AFF4: variants seen among roughly 807,000 people sequenced by gnomAD.
AFF4 encodes the protein ALF transcription elongation factor 4, also known as AF4/FMR2 family member 4.
Under a neutral mutation model 124.8 loss-of-function variants are expected in AFF4, and 13 were observed. The observed-to-expected ratio is 0.10, with a 90% CI of 0.07 to 0.17. AFF4 has a LOEUF of 0.17. Ranked by LOEUF, AFF4 falls within the 10% of genes least tolerant of loss-of-function variation. AFF4 has a pLI of 1.00. For synonymous variants in AFF4, 477 were observed against 496.1 expected, an observed-to-expected ratio of 0.96 and a Z score of 0.51; for missense variants, 1,092 against 1,403.8, an observed-to-expected ratio of 0.78 and a Z score of 3.55.
intron 5 of AFF4, among the ~76,000 whole-genome samples, chr5:132,910,783 C>T (rs1760777154): frequency 6.6e-6 from 1 of 152,192 alleles, no homozygotes; most frequent in Non-Finnish European, 1.5e-5. Flanking sequence ...CTATTCTAAG[C>T]ATTGGCACAG....
intron 1 of AFF4, among the ~76,000 whole-genome samples, chr5:132,953,228 GTTTT>G (rs974751391): frequency 2.0e-5 from 3 of 151,154 alleles, no homozygotes; most frequent in Non-Finnish European, 4.4e-5. Flanking sequence ...AGAAATCTCT[GTTTT>G]TTTTAATTTC....
chr5:132,962,747 C>T (rs1178184858), intron 1 of AFF4, among the ~76,000 whole-genome samples: 1 of 151,854 alleles, frequency 6.6e-6, no homozygotes, highest in African/African-American at 2.4e-5. Flanking sequence ...TATTATACCC[C>T]CACGTTCCCA....
chr5:132,884,485 C>G (rs1287909851), intron 19 of AFF4, among the ~76,000 whole-genome samples: 2 of 152,120 alleles, frequency 1.3e-5, no homozygotes, highest in Non-Finnish European at 2.9e-5. Context: ...TGTGATCTGC[C>G]CACCTCGGCC....
chr5:132,949,280 C>G (rs890256714), intron 1 of AFF4, among the ~76,000 whole-genome samples: 8 of 140,844 alleles, frequency 5.7e-5, no homozygotes, highest in African/African-American at 2.2e-4. Context: ...TTCTTTGGCT[C>G]AAGCAATCCC....
chr5:132,895,560 C>T (rs963122557), intron 11 of AFF4, among the ~76,000 whole-genome samples: 3 of 152,160 alleles, frequency 2.0e-5, no homozygotes, highest in Admixed American at 1.3e-4. Flanking sequence ...AGACATGTAT[C>T]GGAAGAAATT....
At chr5:132,907,822 G>A (rs753749833) in intron 5 of AFF4, among the ~76,000 whole-genome samples, 9 of 152,168 alleles carry the variant, frequency 5.9e-5, no homozygotes, top group Non-Finnish European at 1.3e-4. Context: ...GGAACTTAAA[G>A]GCAGCCCACA....
chr5:132,950,765 G>A (rs1365591144), intron 1 of AFF4, among the ~76,000 whole-genome samples: 2 of 151,996 alleles, frequency 1.3e-5, no homozygotes, highest in Non-Finnish European at 2.9e-5. Flanking sequence ...AGTGACAAAG[G>A]AAAAAAACTC....
intron 7 of AFF4, among the ~76,000 whole-genome samples, chr5:132,901,417 T>C (rs543597472): frequency 3.3e-5 from 5 of 152,228 alleles, no homozygotes; most frequent in Non-Finnish European, 7.3e-5. Context: ...AGTTCTTATA[T>C]TCAGCTGAAG....
chr5:132,957,232 T>C (rs1029179427), intron 1 of AFF4, among the ~76,000 whole-genome samples: 2 of 150,638 alleles, frequency 1.3e-5, no homozygotes, highest in Non-Finnish European at 3.0e-5. Flanking sequence ...TCCTAGCTAC[T>C]TGGAAGGCTG....
chr5:132,914,694 A>G (rs760422441), intron 5 of AFF4, among the ~76,000 whole-genome samples: 1 of 152,114 alleles, frequency 6.6e-6, no homozygotes, highest in Non-Finnish European at 1.5e-5. Flanking sequence ...AAAACAACAG[A>G]GAAAGAAAAA....
Position 132,934,637 on chromosome 5 carries a change from C to T in AFF4, c.428G>A (p.Gly143Asp), listed in dbSNP as rs777920394. The change falls in exon 3 of 21, where the codon GGC (glycine) becomes GAC (aspartate). Residue 143 changes from glycine to aspartate, a missense_variant. By Grantham distance (94) the Gly-to-Asp change is moderately conservative (BLOSUM62 -1). Transcript: ENST00000265343. Reference sequence around the variant, plus strand: ...GTGCCTCTGACCACTACTGTTAGTGCCACTACTGCTACCTGCGCTGGTCCG... The same window carrying T: ...GTGCCTCTGACCACTACTGTTAGTGTCACTACTGCTACCTGCGCTGGTCCG... ...SQRTSAGSSS[G>D]TNSSGQRHDR... is the part of the protein sequence containing the mutation. The T allele has an allele frequency of 2.5e-6, 4 of 1,614,130 alleles. No homozygotes were observed. Among genetic ancestry groups the T allele is most frequent in the Non-Finnish European group, 3.4e-6 (4 of 1,180,024 alleles).
At chr5:132,881,404 C>T (rs1759974984) in intron 20 of AFF4, among the ~76,000 whole-genome samples, 1 of 152,092 alleles carries the variant, frequency 6.6e-6, no homozygotes, top group South Asian at 2.1e-4. Flanking sequence ...AATGTATGGT[C>T]AGAAATTAAG....
Position 132,887,861 on chromosome 5 carries a change from G to A in AFF4, c.2918C>T (p.Thr973Met), listed in dbSNP as rs769872229. The A allele has an allele frequency of 1.9e-6, 3 of 1,613,350 alleles. No individual in the cohort carries two copies. The highest frequency in any genetic ancestry group is 2.7e-5 in the African/African-American group (2 of 74,864). ...TTCCACTTACTTGATGAGATCCACC[G>A]TCTCTGAATACATAGGGAATGGGGA... is the stretch of plus-strand genomic sequence containing the variant. Reference protein sequence around the residue: ...SKSPFPMYSETVDLIKYTMKL... With the variant: ...SKSPFPMYSEMVDLIKYTMKL... The change falls in exon 16 of 21, where the codon ACG (threonine) becomes ATG (methionine). Residue 973 changes from threonine to methionine, a missense_variant. Physicochemically the swap from Thr to Met is moderately conservative, Grantham distance 81. Around this residue, in one of 11 missense-constraint regions of AFF4, gnomAD observed 173 missense variants for 294.9 expected, o/e 0.59. Transcript: ENST00000265343.
intron 4 of AFF4, among the ~76,000 whole-genome samples, chr5:132,930,784 G>C (rs1031264153): frequency 4.6e-5 from 7 of 151,964 alleles, no homozygotes; most frequent in African/African-American, 1.7e-4. Flanking sequence ...TTTTGGTCAT[G>C]TGTCAATTTT....
intron 5 of AFF4, among the ~76,000 whole-genome samples, chr5:132,919,733 C>A (rs1760997758): frequency 6.6e-6 from 1 of 152,118 alleles, no homozygotes; most frequent in South Asian, 2.1e-4. Context: ...ACTTGTAATT[C>A]CAGCTATTCG....
intron 13 of AFF4, among the ~76,000 whole-genome samples, chr5:132,891,186 A>G (rs935210864): frequency 6.6e-6 from 1 of 152,096 alleles, no homozygotes. Context: ...CAAGGTCCTA[A>G]GCACCTTGTG....
chr5:132,938,941 CAAAAAA>C (rs762784790), intron 1 of AFF4, among the ~76,000 whole-genome samples: 1,987 of 38,124 alleles, frequency 0.052, 17 homozygotes, highest in African/African-American at 0.19. Flanking sequence ...AGACTCATCT[CAAAAAA>C]AAAAAAAAAA....
chr5:132,908,699 AATGT>A (rs1335034086), intron 5 of AFF4, among the ~76,000 whole-genome samples: 3 of 149,684 alleles, frequency 2.0e-5, no homozygotes, highest in Admixed American at 6.7e-5. Context: ...TCCTAGCTTG[AATGT>A]ATGTATATGT....
At chr5:132,939,346 C>T (rs548405684) in intron 1 of AFF4, among the ~76,000 whole-genome samples, 4 of 152,090 alleles carry the variant, frequency 2.6e-5, no homozygotes, top group Middle Eastern at 3.4e-3. Context: ...TCTTTGGTTT[C>T]GCTAATACTT....
Sources: allele counts gnomAD v4.1 joint callset (sites outside exome capture counted in the v4.1 genomes callset), GRCh38; gene constraint gnomAD v4.1.1; regional missense constraint gnomAD v4.1.1; transcripts MANE v1.5; gene names NCBI Gene and HGNC (gene_info 2026-07-23, HGNC 2026-07-21).